The following PDE1C variants were observed in gnomAD, a reference collection of about 807,000 sequenced individuals.
PDE1C encodes dual specificity calcium/calmodulin-dependent 3',5'-cyclic nucleotide phosphodiesterase 1C.
PDE1C carries 62 observed loss-of-function variants against 93.1 expected under a neutral mutation model. The observed-to-expected ratio is 0.67, with a 90% CI of 0.54 to 0.82. The LOEUF (loss-of-function observed/expected upper bound fraction) is 0.82. Ranked by LOEUF, PDE1C falls within the 40% of genes least tolerant of loss-of-function variation. The pLI, the probability that PDE1C is intolerant of heterozygous loss-of-function variation, is 0.00. For missense variants in PDE1C, 742 were observed against 884.6 expected (o/e 0.84, Z 2.04); for synonymous variants, 325 against 310.1 (o/e 1.05, Z -0.50).
intron 1 of PDE1C, among the ~76,000 whole-genome samples, chr7:32,278,547 G>A (rs1272258482): frequency 6.6e-6 from 1 of 152,188 alleles, no homozygotes; most frequent in Non-Finnish European, 1.5e-5. Context: ...ACAAGGATAA[G>A]TTTAAAATAA....
intron 1 of PDE1C, among the ~76,000 whole-genome samples, chr7:32,361,178 C>T (rs1029773209): frequency 7.9e-5 from 12 of 152,290 alleles, no homozygotes; most frequent in South Asian, 4.1e-4. Context: ...AAGCCAACTG[C>T]GCAGGTTCTC....
the PDE1C span, among the ~76,000 whole-genome samples, chr7:31,618,126 G>GTGAT: frequency 6.6e-6 from 1 of 152,184 alleles, no homozygotes; most frequent in East Asian, 1.9e-4. Context: ...GCCCATCATT[G>GTGAT]TGATAGGAGC....
chr7:31,663,783 T>C, the PDE1C span, among the ~76,000 whole-genome samples: 1 of 152,238 alleles, frequency 6.6e-6, no homozygotes. Context: ...CATGTGCTAA[T>C]ACTGTGCTAA....
intron 2 of PDE1C, among the ~76,000 whole-genome samples, chr7:32,040,235 C>A (rs1791632625): frequency 6.6e-6 from 1 of 152,186 alleles, no homozygotes; most frequent in African/African-American, 2.4e-5. Context: ...TAATCTTTAT[C>A]TCTTTTAACC....
At chr7:31,835,950 T>C (rs1791041442) in intron 11 of PDE1C, among the ~76,000 whole-genome samples, 1 of 152,172 alleles carries the variant, frequency 6.6e-6, no homozygotes, top group South Asian at 2.1e-4. Flanking sequence ...ACTAAATAAA[T>C]AGCAAAAGAG....
intron 1 of PDE1C, among the ~76,000 whole-genome samples, chr7:32,278,098 G>T (rs1241145904): frequency 7.3e-6 from 1 of 137,740 alleles, no homozygotes; most frequent in Non-Finnish European, 1.5e-5. Context: ...TGAAACACGG[G>T]CAGATGGAAA....
chr7:31,690,406 G>A, the PDE1C span, among the ~76,000 whole-genome samples: 8 of 152,312 alleles, frequency 5.3e-5, no homozygotes, highest in Middle Eastern at 3.4e-3. Context: ...GGGACAGAGA[G>A]GGACATATGT....
the PDE1C span, among the ~76,000 whole-genome samples, chr7:31,735,186 G>A: frequency 1.1e-4 from 16 of 152,322 alleles, no homozygotes; most frequent in African/African-American, 3.8e-4. Context: ...ATCACTTGAG[G>A]TTGGGAGTTT....
intron 2 of PDE1C, among the ~76,000 whole-genome samples, chr7:31,887,638 G>T (rs1798116541): frequency 6.6e-6 from 1 of 152,124 alleles, no homozygotes; most frequent in South Asian, 2.1e-4. Flanking sequence ...CTAAATTGCT[G>T]CAGAATGCAC....
chr7:32,260,514 A>G (rs981322536), intron 1 of PDE1C, among the ~76,000 whole-genome samples: 1 of 152,124 alleles, frequency 6.6e-6, no homozygotes, highest in Non-Finnish European at 1.5e-5. Flanking sequence ...GGGTCAGTCC[A>G]TGGAGGGCAG....
In PDE1C at chr7:32,070,061, C is replaced by G. The variant is rs139440151; in HGVS notation, c.101+232G>C. ...CATCAAAGGACATCTCTCCTTCCCC[C>G]CAAAAAAGCATGACTTGGAACAGCA... On this transcript the variant is annotated intron_variant, in intron 1 of 17. Coordinates refer to ENST00000396191, the MANE Select transcript of PDE1C (RefSeq NM_001191057.4). Among the ~76,000 whole-genome samples the G allele has an allele frequency of 2.6e-4, 40 of 152,236 alleles. No homozygotes were observed. In the East Asian group the frequency reaches 7.5e-3, roughly 29 times the overall value.
intron 6 of PDE1C, among the ~76,000 whole-genome samples, chr7:31,871,934 T>C (rs1339710654): frequency 6.6e-6 from 1 of 152,190 alleles, no homozygotes; most frequent in African/African-American, 2.4e-5. Flanking sequence ...CTCATTTTTA[T>C]TGCAGTACTA....
At chr7:31,681,341 T>C in the PDE1C span, among the ~76,000 whole-genome samples, 1 of 147,832 alleles carries the variant, frequency 6.8e-6, no homozygotes, top group African/African-American at 2.5e-5. Flanking sequence ...TCCTCACAGT[T>C]CAGTTGGATG....
chr7:32,018,232 C>A (rs1788177470), intron 2 of PDE1C, among the ~76,000 whole-genome samples: 1 of 151,898 alleles, frequency 6.6e-6, no homozygotes, highest in African/African-American at 2.4e-5. Context: ...ATGTATGGTG[C>A]AGCTGCTTTG....
At chr7:32,076,415 C>T (rs376883913), upstream of PDE1C, among the ~76,000 whole-genome samples, 4 of 151,814 alleles carry the variant, frequency 2.6e-5, no homozygotes, top group African/African-American at 4.8e-5. Flanking sequence ...CCGACGTGGC[C>T]GGATCACCTG....
rs139188410 is a variant in PDE1C, at chr7:31,958,912, G to A, written c.129-78052C>T. Among the ~76,000 whole-genome samples the A allele has an allele frequency of 8.1e-4, 124 of 152,200 alleles. 2 individuals carry two copies. The East Asian group carries it at 0.022, about 27-fold the overall frequency. On this transcript the variant is annotated intron_variant, in intron 2 of 17. Transcript: ENST00000396191. ...CATTTCCAGACCTTGACTTCTATAC[G>A]TAGATTTTCTCAGAACTTTCTACAG...
chr7:31,984,433 C>T (rs1186585623), intron 2 of PDE1C, among the ~76,000 whole-genome samples: 1 of 152,146 alleles, frequency 6.6e-6, no homozygotes, highest in African/African-American at 2.4e-5. Context: ...TTGGAGACTG[C>T]TGGGCTAGAT....
the PDE1C span, among the ~76,000 whole-genome samples, chr7:31,694,336 T>A: frequency 6.6e-6 from 1 of 151,510 alleles, no homozygotes. Flanking sequence ...ATATCAACTG[T>A]ATCAGATGCT....
chr7:32,316,050 T>C (rs1783164084), intron 1 of PDE1C, among the ~76,000 whole-genome samples: 1 of 152,206 alleles, frequency 6.6e-6, no homozygotes, highest in Non-Finnish European at 1.5e-5. Context: ...TAAATTGTCC[T>C]AAGCCAGATC....
Sources: gnomAD v4.1 joint callset for allele counts (sites outside exome capture counted in the v4.1 genomes callset) on GRCh38, gnomAD v4.1.1 for gene constraint, MANE v1.5 for transcripts, NCBI Gene and HGNC (gene_info 2026-07-23, HGNC 2026-07-21) for gene names.